Variants in MATCAP2 observed in about 807,000 individuals in gnomAD.
The protein encoded by MATCAP2 is microtubule associated tyrosine carboxypeptidase 2, also known as putative tyrosine carboxypeptidase MATCAP2.
At chr7:36,373,428 A>G in the MATCAP2 span, among the ~76,000 whole-genome samples, 1 of 152,158 alleles carries the variant, frequency 6.6e-6, no homozygotes, top group African/African-American at 2.4e-5. Context: ...CGGAATTTTT[A>G]GGGGACAAGC....
chr7:36,352,987 A>G, the MATCAP2 span, among the ~76,000 whole-genome samples: 22 of 152,084 alleles, frequency 1.4e-4, no homozygotes, highest in African/African-American at 4.3e-4. Flanking sequence ...AAGATGCTAC[A>G]GGTCAGGCCC....
chr7:36,379,408 G>A, the MATCAP2 span, among the ~76,000 whole-genome samples: 5 of 152,166 alleles, frequency 3.3e-5, no homozygotes, highest in African/African-American at 4.8e-5. Context: ...ATCTATCTAC[G>A]TGTACATAGA....
the MATCAP2 span, among the ~76,000 whole-genome samples, chr7:36,389,364 CT>C: frequency 4.0e-5 from 6 of 150,658 alleles, no homozygotes; most frequent in Non-Finnish European, 7.4e-5. Flanking sequence ...GCTCTTAATC[CT>C]TTTTTTTTCT....
At chr7:36,334,506 A>C in the MATCAP2 span, among the ~76,000 whole-genome samples, 3 of 138,072 alleles carry the variant, frequency 2.2e-5, no homozygotes, top group Non-Finnish European at 4.6e-5. Context: ...ACTGTGCCCA[A>C]GAATGGGCGA....
chr7:36,355,822 C>T, the MATCAP2 span: 2 of 152,102 alleles, frequency 1.3e-5, no homozygotes, highest in Non-Finnish European at 2.9e-5. Flanking sequence ...TTAATTTGAC[C>T]AAATATTGTC....
chr7:36,389,723 G>A, the MATCAP2 span: 1 of 326,638 alleles, frequency 3.1e-6, no homozygotes, highest in African/African-American at 2.2e-5. Context: ...GGAAGGAGGC[G>A]GGGCCGCCCC....
chr7:36,382,300 A>T, the MATCAP2 span, among the ~76,000 whole-genome samples: 3 of 8,454 alleles, frequency 3.5e-4, no homozygotes, highest in Admixed American at 2.6e-3. Flanking sequence ...CGTCTGTCTC[A>T]AAAAAAAAAA....
the MATCAP2 span, among the ~76,000 whole-genome samples, chr7:36,379,145 T>G: frequency 3.9e-5 from 6 of 152,202 alleles, no homozygotes; most frequent in Admixed American, 6.5e-5. Context: ...ACCAGGTACC[T>G]CAGTTGGAAA....
At chr7:36,346,853 C>A in the MATCAP2 span, among the ~76,000 whole-genome samples, 1 of 152,164 alleles carries the variant, frequency 6.6e-6, no homozygotes, top group African/African-American at 2.4e-5. Context: ...CTCCGCCTCC[C>A]GGGTTCAAGC....
At chr7:36,357,384 T>A in the MATCAP2 span, 1 of 1,614,108 alleles carries the variant, frequency 6.2e-7, no homozygotes. Context: ...TTGGAGTAGG[T>A]GGAGGAAGAC....
At chr7:36,340,659 A>T in the MATCAP2 span, among the ~76,000 whole-genome samples, 1 of 152,218 alleles carries the variant, frequency 6.6e-6, no homozygotes, top group Non-Finnish European at 1.5e-5. Context: ...AGACAGACTT[A>T]TCAGTGATCT....
At chr7:36,374,313 C>T in the MATCAP2 span, among the ~76,000 whole-genome samples, 1 of 151,518 alleles carries the variant, frequency 6.6e-6, no homozygotes, top group Non-Finnish European at 1.5e-5. Context: ...CTCTTGGACT[C>T]AAGTGATCCT....
At chr7:36,379,096 T>A in the MATCAP2 span, among the ~76,000 whole-genome samples, 1 of 152,176 alleles carries the variant, frequency 6.6e-6, no homozygotes, top group Non-Finnish European at 1.5e-5. Flanking sequence ...TTGCCCTCCA[T>A]GGGCTGCACC....
the MATCAP2 span, among the ~76,000 whole-genome samples, chr7:36,372,425 AAG>A: frequency 6.6e-6 from 1 of 152,254 alleles, no homozygotes; most frequent in Non-Finnish European, 1.5e-5. Flanking sequence ...TGTCTATATC[AAG>A]AGAATGGAAT....
chr7:36,360,047 G>A, the MATCAP2 span, among the ~76,000 whole-genome samples: 12,310 of 152,222 alleles, frequency 0.081, 666 homozygotes, highest in East Asian at 0.16. Context: ...GTTGATCTTC[G>A]TAATAAAAAG....
the MATCAP2 span, among the ~76,000 whole-genome samples, chr7:36,367,445 G>C: frequency 6.6e-6 from 1 of 152,120 alleles, no homozygotes; most frequent in Non-Finnish European, 1.5e-5. Flanking sequence ...CATATTGACT[G>C]ATCTTTCAGA....
chr7:36,331,782 T>C, the MATCAP2 span, among the ~76,000 whole-genome samples: 109 of 152,314 alleles, frequency 7.2e-4, no homozygotes, highest in African/African-American at 2.5e-3. Context: ...CTGACATAAT[T>C]TGTGTAATTT....
chr7:36,353,367 C>A, the MATCAP2 span, among the ~76,000 whole-genome samples: 41 of 152,142 alleles, frequency 2.7e-4, no homozygotes, highest in Admixed American at 1.5e-3. Flanking sequence ...GTAAGCTGTT[C>A]ATGAAAACAG....
the MATCAP2 span, among the ~76,000 whole-genome samples, chr7:36,329,982 A>C: frequency 9.2e-5 from 14 of 152,250 alleles, no homozygotes; most frequent in South Asian, 1.4e-3. Context: ...CCTGAATCTC[A>C]TCAGAAGGAA....
Sources: allele counts gnomAD v4.1 joint callset (sites outside exome capture counted in the v4.1 genomes callset), GRCh38; gene constraint gnomAD v4.1.1; transcripts MANE v1.5; gene names NCBI Gene and HGNC (gene_info 2026-07-23, HGNC 2026-07-21).